Variants in SLC47A2 observed in about 807,000 individuals in gnomAD.
SLC47A2 encodes multidrug and toxin extrusion protein 2.
SLC47A2 carries 52 observed loss-of-function variants against 67.7 expected under a neutral mutation model. The ratio of observed to expected loss-of-function variants is 0.77; its 90% CI spans 0.61 to 0.97. The LOEUF is 0.97. Among genes scored for constraint, SLC47A2 ranks in the 50% least tolerant of loss-of-function variants. The pLI is 0.00. For synonymous variants in SLC47A2, 278 were observed against 292.9 expected, an observed-to-expected ratio of 0.95 and a Z score of 0.52; for missense variants, 676 against 712.3, an observed-to-expected ratio of 0.95 and a Z score of 0.58.
In SLC47A2 at chr17:19,685,902, T is replaced by C. The variant is rs2085419669; in HGVS notation, c.1165-4232A>G. Among the ~76,000 whole-genome samples, 1 of 152,170 alleles carries C rather than the reference T, an allele frequency of 6.6e-6. No individual in the cohort carries two copies. Among genetic ancestry groups the C allele is most frequent in the Non-Finnish European group, 1.5e-5 (1 of 68,032 alleles). The stretch of plus-strand genomic sequence containing the variant: ...GAAACAGCAGGGGATGAAGTTAAAG[T>C]TTTTCTTAATTTTCTCTGCTTGTTT... On this transcript the variant is annotated intron_variant, in intron 13 of 16. Transcript: ENST00000433844. The surrounding 1 kb of genome is among the most constrained non-coding windows in gnomAD (Gnocchi z 4.5).
Position 19,700,930 on chromosome 17 carries a change from A to G in SLC47A2, c.1164+1675T>C, listed in dbSNP as rs190063668. Among the ~76,000 whole-genome samples, 584 of 151,928 alleles carry G rather than the reference A, an allele frequency of 3.8e-3. 1 individual carries two copies. The highest frequency in any genetic ancestry group is 5.6e-3 in the Non-Finnish European group (380 of 67,970). ...CCTGTAATCCCAGCGCATTTTGGGA[A>G]GCCGAGGCGGGTGGGTCACCTGAGG... On this transcript the variant is annotated intron_variant, in intron 13 of 16. Coordinates refer to ENST00000433844, the MANE Select transcript of SLC47A2 (RefSeq NM_001099646.3).
chr17:19,706,614 C>T (rs1340438092), intron 9 of SLC47A2, 34 bp downstream of exon 9: 4 of 1,525,964 alleles, frequency 2.6e-6, no homozygotes, highest in East Asian at 2.4e-5. Context: ...GAGCCGCCCA[C>T]ACGCCATTGC....
Position 19,678,799 on chromosome 17 carries a change from T to G in SLC47A2, c.1588A>C (p.Thr530Pro), listed in dbSNP as rs781538750. Reference protein sequence around the residue: ...PEEAHALSAPTSRLSVKQLVI... With the variant: ...PEEAHALSAPPSRLSVKQLVI... ...AGCTGTTTCACTGATAGTCTGCTGG[T>G]AGGAGCTGAAAGGGCGTGGGCCTCC... Residue 530 changes from threonine (T) to proline (P), a missense_variant, in exon 17 of 17, where the codon ACC becomes CCC. Transcript: ENST00000433844. 2 of 1,614,184 alleles carry G rather than the reference T, an allele frequency of 1.2e-6. No homozygotes were observed. Among genetic ancestry groups the G allele is most frequent in the Non-Finnish European group, 1.7e-6 (2 of 1,180,020 alleles).
At chr17:19,712,944 C>T (rs1055902084) in intron 4 of SLC47A2, among the ~76,000 whole-genome samples, 199 bp from the exon 5 acceptor site, 4 of 152,110 alleles carry the variant, frequency 2.6e-5, no homozygotes, top group Admixed American at 6.6e-5. Flanking sequence ...ACCCAAACAC[C>T]CAGGCCTCAG....
chr17:19,683,002 G>T (rs2085348946), intron 13 of SLC47A2, among the ~76,000 whole-genome samples: 1 of 152,214 alleles, frequency 6.6e-6, no homozygotes, highest in African/African-American at 2.4e-5. Context: ...GAGGTGGGGA[G>T]TATTTTGTGG....
At position 19,716,540 on chromosome 17, in the gene SLC47A2, C is replaced by T; in HGVS notation, c.16G>A (p.Asp6Asn). Reference protein sequence around the residue: MDSLQDTVALDHGGCC... With the variant: MDSLQNTVALDHGGCC... ...CCCCCATGGTCCAGGGCCACTGTGT[C>T]CTGGAGGCTGTCCATTCCTGGCCGG... is the stretch of plus-strand genomic sequence containing the variant. The change falls in exon 1 of 17, where the codon GAC becomes AAC. Residue 6 changes from aspartate (D) to asparagine (N), a missense_variant. Physicochemically the swap from Asp to Asn is conservative, Grantham distance 23. Coordinates refer to ENST00000433844, the MANE Select transcript of SLC47A2 (RefSeq NM_001099646.3). The T allele has an allele frequency of 6.2e-7, 1 of 1,608,026 alleles. No individual in the cohort carries two copies. The highest frequency in any genetic ancestry group is 1.3e-5 in the African/African-American group (1 of 74,876).
At chr17:19,692,295 G>T (rs1203410537) in intron 13 of SLC47A2, 1 of 437,056 alleles carries the variant, frequency 2.3e-6, no homozygotes, top group Non-Finnish European at 4.5e-6. Context: ...TCTGATCTTG[G>T]TAAAATAAAA....
At chr17:19,714,476 G>T in intron 3 of SLC47A2, 1 of 582,384 alleles carries the variant, frequency 1.7e-6, no homozygotes, top group Non-Finnish European at 3.1e-6. Flanking sequence ...TCCTCTGGGG[G>T]CAAGAGATCA....
intron 13 of SLC47A2, among the ~76,000 whole-genome samples, chr17:19,683,443 A>T (rs1308536108): frequency 6.6e-6 from 1 of 152,222 alleles, no homozygotes; most frequent in Non-Finnish European, 1.5e-5. Flanking sequence ...TGGCTTTGCT[A>T]GCCTGAGGTT....
chr17:19,711,588 CAAAAAAAAAAAAAA>C (rs35308426), intron 5 of SLC47A2, among the ~76,000 whole-genome samples: 1,931 of 33,096 alleles, frequency 0.058, 60 homozygotes, highest in African/African-American at 0.17. Flanking sequence ...AACTCCGTCT[CAAAAAAAAAAAAAA>C]AAAAAAAAAA....
intron 13 of SLC47A2, among the ~76,000 whole-genome samples, chr17:19,698,794 C>A (rs2085721776): frequency 6.6e-6 from 1 of 152,184 alleles, no homozygotes; most frequent in African/African-American, 2.4e-5. Flanking sequence ...TCCATACCCA[C>A]AGCTTCTGCA....
In SLC47A2 at chr17:19,706,617, G is replaced by A. The variant is rs573826091; in HGVS notation, c.841+31C>T. 9.5e-5 allele frequency: 145 copies of A among 1,529,850 alleles called. 2 individuals carry two copies. The highest frequency in any genetic ancestry group is 5.6e-5 in the African/African-American group (4 of 70,806). 94.8% of individuals were successfully genotyped at this position (1,529,850 alleles called of 1,614,324 possible). A position where few individuals can be genotyped will look rare whatever the true frequency, so the allele number is the denominator to read the frequency against. Reference sequence around the variant, plus strand: ...TCTGGGCTGGGTGAGCCGCCCACACGCCATTGCGCCCCCCATCCTCTTCCA... The same window carrying A: ...TCTGGGCTGGGTGAGCCGCCCACACACCATTGCGCCCCCCATCCTCTTCCA... On this transcript the variant is annotated intron_variant, in intron 9 of 16. Coordinates refer to ENST00000433844, the MANE Select transcript of SLC47A2 (RefSeq NM_001099646.3).
intron 14 of SLC47A2, 24 bp from the exon 15 acceptor site, chr17:19,681,485 G>T: frequency 6.2e-7 from 1 of 1,614,008 alleles, no homozygotes; most frequent in Non-Finnish European, 8.5e-7. Flanking sequence ...GTGATGATGG[G>T]AACAATGTCC....
intron 13 of SLC47A2, among the ~76,000 whole-genome samples, chr17:19,691,283 G>A (rs527944062): frequency 4.1e-4 from 62 of 152,258 alleles, no homozygotes; most frequent in Middle Eastern, 3.4e-3. Context: ...TTAGTATAGC[G>A]AAGAGATACC....
Position 19,679,970 on chromosome 17 carries a change from T to C in SLC47A2, c.1462A>G (p.Lys488Glu), listed in dbSNP as rs541464353. 2 of 1,613,826 alleles carry C rather than the reference T, an allele frequency of 1.2e-6. No homozygotes were observed. Among genetic ancestry groups the C allele is most frequent in the South Asian group, 1.1e-5 (1 of 91,036 alleles). Residue 488 changes from lysine to glutamate, a missense_variant, in exon 16 of 17, where the codon AAA becomes GAA. Lys to Glu is a moderately conservative substitution (Grantham distance 56). Transcript: ENST00000433844. ...GTATTACCTGAAGATAGGACTGCTTTCTCAGGCCCAGGTCTGGTTGCAGTG... is the reference window on the plus strand; with the variant it reads ...GTATTACCTGAAGATAGGACTGCTTCCTCAGGCCCAGGTCTGGTTGCAGTG... Reference protein sequence around the residue: ...ESTATRPGPEKAVLSSVATGS... With the variant: ...ESTATRPGPEEAVLSSVATGS...
In SLC47A2 at chr17:19,685,270, T is replaced by G. The variant is rs536323443; in HGVS notation, c.1165-3600A>C. ...CAGCCTCTGCCCGCCCGCCACCCCA[T>G]CTAGGAAGTGAGCAGCGTCTCTGCT... is the stretch of plus-strand genomic sequence containing the variant. On this transcript the variant is annotated intron_variant, in intron 13 of 16. Transcript: ENST00000433844. This position sits in a 1 kb window ranked among gnomAD's most constrained non-coding sequence, Gnocchi z 4.5. Among the ~76,000 whole-genome samples the G allele has an allele frequency of 4.1e-3, 627 of 152,070 alleles. 1 individual carries two copies. The highest frequency in any genetic ancestry group is 0.014 in the African/African-American group (595 of 41,482).
chr17:19,679,717 T>A (rs1008530672), intron 16 of SLC47A2, among the ~76,000 whole-genome samples: 4 of 151,932 alleles, frequency 2.6e-5, no homozygotes, highest in Non-Finnish European at 5.9e-5. Flanking sequence ...TGGGCATACA[T>A]CTAGTTGCCT....
At chr17:19,707,648 C>T in intron 8 of SLC47A2, 98 bp downstream of exon 8, 5 of 1,037,002 alleles carry the variant, frequency 4.8e-6, no homozygotes, top group Non-Finnish European at 7.1e-6. Flanking sequence ...CTCCAACAGG[C>T]TCTACTGCAC....
chr17:19,690,659 AAAG>A (rs1237616988), intron 13 of SLC47A2, among the ~76,000 whole-genome samples: 3 of 152,232 alleles, frequency 2.0e-5, no homozygotes, highest in Non-Finnish European at 4.4e-5. Context: ...GCATTTCTCA[AAAG>A]AAGACATACA....
Sources: gnomAD v4.1 joint callset for allele counts (sites outside exome capture counted in the v4.1 genomes callset) on GRCh38, gnomAD v4.1.1 for gene constraint, Gnocchi (gnomAD v3.1) non-coding constraint, MANE v1.5 for transcripts, NCBI Gene and HGNC (gene_info 2026-07-23, HGNC 2026-07-21) for gene names.